HHAT: variants seen among roughly 807,000 people sequenced by gnomAD.
HHAT encodes the protein protein-cysteine N-palmitoyltransferase HHAT.
HHAT carries 47 observed loss-of-function variants against 70.8 expected under a neutral mutation model. That is an observed-to-expected ratio of 0.66 (90% CI 0.53 to 0.85). The LOEUF (loss-of-function observed/expected upper bound fraction) is 0.85. Among genes scored for constraint, HHAT ranks in the 40% least tolerant of loss-of-function variants. The probability of loss-of-function intolerance (pLI) is 0.00; values close to 1 mark genes in which losing one functional copy is unlikely to be tolerated. For missense variants in HHAT, 609 were observed against 604.8 expected (o/e 1.01, Z -0.07); for synonymous variants, 228 against 247.6 (o/e 0.92, Z 0.74).
At chr1:210,369,658 T>TG (rs1179864863) in intron 3 of HHAT, 1 of 152,118 alleles carries the variant, frequency 6.6e-6, no homozygotes, top group African/African-American at 2.4e-5. Flanking sequence ...CTCTGAAGTT[T>TG]GGGGGAAGGT....
intron 9 of HHAT, among the ~76,000 whole-genome samples, chr1:210,578,819 T>G (rs1479286808): frequency 6.6e-6 from 1 of 152,214 alleles, no homozygotes; most frequent in African/African-American, 2.4e-5. Flanking sequence ...ATTTCACTTA[T>G]ATGAGGGATC....
At chr1:210,606,673 C>G (rs1448465510) in intron 10 of HHAT, among the ~76,000 whole-genome samples, 4 of 151,964 alleles carry the variant, frequency 2.6e-5, no homozygotes, top group Non-Finnish European at 2.9e-5. Flanking sequence ...CTTTTTCTCC[C>G]TTGATTTGGT....
At chr1:210,429,289 T>C (rs777350017) in intron 7 of HHAT, among the ~76,000 whole-genome samples, 3 of 151,976 alleles carry the variant, frequency 2.0e-5, no homozygotes, top group Admixed American at 1.3e-4. Context: ...TAATATCTAG[T>C]CTGTCTTCAC....
At chr1:210,358,326 A>G (rs901084883) in intron 2 of HHAT, among the ~76,000 whole-genome samples, 1 of 152,240 alleles carries the variant, frequency 6.6e-6, no homozygotes, top group Non-Finnish European at 1.5e-5. Context: ...TTCTCAGGTG[A>G]GTGGCAGATG....
At chr1:210,410,651 C>T (rs934318359) in intron 6 of HHAT, among the ~76,000 whole-genome samples, 6 of 151,356 alleles carry the variant, frequency 4.0e-5, no homozygotes, top group South Asian at 2.1e-4. Flanking sequence ...CTCAGCCTCC[C>T]GAGTAGCTGG....
chr1:210,428,182 C>T (rs2093126757), intron 7 of HHAT, among the ~76,000 whole-genome samples: 1 of 149,946 alleles, frequency 6.7e-6, no homozygotes, highest in South Asian at 2.1e-4. Flanking sequence ...TATTGTCTAT[C>T]CAGAGATCAG....
At chr1:210,663,425 A>G (rs1370059219) in intron 11 of HHAT, among the ~76,000 whole-genome samples, 1 of 152,206 alleles carries the variant, frequency 6.6e-6, no homozygotes, top group Non-Finnish European at 1.5e-5. Context: ...TTCAATGGTC[A>G]AGTGTACTGT....
chr1:210,371,084 C>T (rs1259709997), intron 3 of HHAT, among the ~76,000 whole-genome samples: 2 of 152,134 alleles, frequency 1.3e-5, no homozygotes, highest in East Asian at 3.9e-4. Context: ...GGTAAAGAGC[C>T]GGCATTCTTT....
intron 9 of HHAT, among the ~76,000 whole-genome samples, chr1:210,535,678 C>T (rs2095364774): frequency 6.6e-6 from 1 of 151,954 alleles, no homozygotes; most frequent in Non-Finnish European, 1.5e-5. Flanking sequence ...TGTGTGTGTG[C>T]ATGCGTGCAT....
At chr1:210,432,446 G>T (rs1410436946) in intron 7 of HHAT, among the ~76,000 whole-genome samples, 2 of 151,976 alleles carry the variant, frequency 1.3e-5, no homozygotes, top group African/African-American at 2.4e-5. Context: ...GGGGATTTAA[G>T]AGAGTCTTTC....
intron 4 of HHAT, among the ~76,000 whole-genome samples, chr1:210,395,979 T>A (rs1431230934): frequency 1.3e-5 from 2 of 152,162 alleles, no homozygotes; most frequent in African/African-American, 4.8e-5. Context: ...GAGTTTAGCC[T>A]ATTAAGGAGA....
intron 7 of HHAT, among the ~76,000 whole-genome samples, chr1:210,454,995 TGTA>T (rs1329054430): frequency 6.6e-6 from 1 of 152,210 alleles, no homozygotes; most frequent in Non-Finnish European, 1.5e-5. Flanking sequence ...GGTTGCCCAG[TGTA>T]GAGCCCTTTC....
At chr1:210,656,242 G>C (rs1458775598) in intron 11 of HHAT, among the ~76,000 whole-genome samples, 1 of 152,074 alleles carries the variant, frequency 6.6e-6, no homozygotes, top group African/African-American at 2.4e-5. Context: ...CCCATGTGGA[G>C]CCCTTCTAGA....
intron 11 of HHAT, among the ~76,000 whole-genome samples, chr1:210,660,928 T>C (rs1213258528): frequency 6.6e-6 from 1 of 152,106 alleles, no homozygotes; most frequent in African/African-American, 2.4e-5. Context: ...GATGGATTAA[T>C]GACTTAACTG....
chr1:210,509,424 T>G lies in HHAT; in HGVS notation c.1008-3729T>G, dbSNP rs2094916944. On this transcript the variant is annotated intron_variant, in intron 8 of 11. Coordinates refer to ENST00000261458, the MANE Select transcript of HHAT (RefSeq NM_018194.6). Reference sequence around the variant, plus strand: ...TTAAGGTTGGTGCATTCCTACCATTTATTCCTCAAAACCAAGGTACTGTTC... The same window carrying G: ...TTAAGGTTGGTGCATTCCTACCATTGATTCCTCAAAACCAAGGTACTGTTC... 1.3e-5 allele frequency among the ~76,000 whole-genome samples: 2 copies of G among 152,184 alleles called. 1 individual carries two copies. Among genetic ancestry groups the G allele is most frequent in the South Asian group, 4.1e-4 (2 of 4,830 alleles).
At chr1:210,351,738 G>T (rs545831235) in intron 2 of HHAT, among the ~76,000 whole-genome samples, 1 of 152,274 alleles carries the variant, frequency 6.6e-6, no homozygotes, top group South Asian at 2.1e-4. Flanking sequence ...GAGTACTATG[G>T]TCCTCTCTAA....
chr1:210,587,988 G>C lies in HHAT; in HGVS notation c.1134G>C (p.Trp378Cys), dbSNP rs769492158. The C allele has an allele frequency of 1.2e-6, 2 of 1,614,128 alleles. No homozygotes were observed. ...TAMTFAFVSY[W>C]HGGYDYLWCW... ...TGACATTTGCATTTGTGAGCTACTG[G>C]CATGGCGGCTACGACTACCTCTGGT... Residue 378 changes from tryptophan to cysteine, a missense_variant, in exon 10 of 12, where the codon TGG (tryptophan) becomes TGC (cysteine). Physicochemically the swap from Trp to Cys is radical, Grantham distance 215. Coordinates refer to ENST00000261458, the MANE Select transcript of HHAT (RefSeq NM_018194.6).
At chr1:210,513,349 ATC>A (rs2094994612) in intron 9 of HHAT, among the ~76,000 whole-genome samples, 161 bp downstream of exon 9, 1 of 152,208 alleles carries the variant, frequency 6.6e-6, no homozygotes, top group African/African-American at 2.4e-5. Flanking sequence ...GTTTCCCAGA[ATC>A]ACACGATTAA....
chr1:210,673,513 A>G (rs1680517063), intron 11 of HHAT, among the ~76,000 whole-genome samples: 2 of 151,036 alleles, frequency 1.3e-5, no homozygotes. Context: ...GTGCCACATG[A>G]GACTACACTC....
Sources: gnomAD v4.1 joint callset for allele counts (sites outside exome capture counted in the v4.1 genomes callset) on GRCh38, gnomAD v4.1.1 for gene constraint, MANE v1.5 for transcripts, NCBI Gene and HGNC (gene_info 2026-07-23, HGNC 2026-07-21) for gene names.